The following POU6F2 variants were observed in gnomAD, a reference collection of about 807,000 sequenced individuals.
POU6F2 encodes the protein POU domain, class 6, transcription factor 2.
Under a neutral mutation model 71.3 loss-of-function variants are expected in POU6F2, and 31 were observed. That is an observed-to-expected ratio of 0.43 (90% CI 0.33 to 0.59). POU6F2 has a LOEUF of 0.59. POU6F2 is among the 20% of genes least tolerant of loss of function. The pLI, the probability that POU6F2 is intolerant of heterozygous loss-of-function variation, is 0.04. For missense variants in POU6F2, 783 were observed against 856.8 expected, an observed-to-expected ratio of 0.91 and a Z score of 1.07; for synonymous variants, 347 against 355.7, an observed-to-expected ratio of 0.98 and a Z score of 0.27.
At chr7:39,090,606 C>G (rs1254569564) in intron 2 of POU6F2, among the ~76,000 whole-genome samples, 1 of 152,142 alleles carries the variant, frequency 6.6e-6, no homozygotes, top group Non-Finnish European at 1.5e-5. Context: ...GTACCAAGAG[C>G]TTAAACCCAA....
At chr7:39,101,125 G>A (rs1053981372) in intron 2 of POU6F2, among the ~76,000 whole-genome samples, 1 of 148,176 alleles carries the variant, frequency 6.7e-6, no homozygotes, top group Non-Finnish European at 1.5e-5. Flanking sequence ...CCAGGCTGGA[G>A]TGCAATGGCG....
intron 2 of POU6F2, among the ~76,000 whole-genome samples, chr7:39,110,114 T>C (rs1791774884): frequency 6.6e-6 from 1 of 151,812 alleles, no homozygotes; most frequent in Admixed American, 6.6e-5. Flanking sequence ...CTACTAAAAA[T>C]ACAAAAATTA....
At chr7:39,377,421 A>G (rs1786731645) in intron 5 of POU6F2, among the ~76,000 whole-genome samples, 1 of 152,168 alleles carries the variant, frequency 6.6e-6, no homozygotes, top group South Asian at 2.1e-4. Flanking sequence ...ATGAGCCACC[A>G]TGCACGGCCT....
chr7:39,290,934 C>T (rs1192536403), intron 4 of POU6F2, among the ~76,000 whole-genome samples: 1 of 148,722 alleles, frequency 6.7e-6, no homozygotes, highest in Admixed American at 6.7e-5. Flanking sequence ...AATGTCACTA[C>T]TATAAAGAAA....
At chr7:39,359,822 G>A (rs1786338240) in intron 5 of POU6F2, among the ~76,000 whole-genome samples, 1 of 152,126 alleles carries the variant, frequency 6.6e-6, no homozygotes, top group Non-Finnish European at 1.5e-5. Context: ...TTGCATGCAA[G>A]AGAAAATAAT....
At chr7:39,006,803 A>G (rs1789084615) in intron 1 of POU6F2, 1 of 1,603,748 alleles carries the variant, frequency 6.2e-7, no homozygotes, top group Non-Finnish European at 8.5e-7. Flanking sequence ...GTTTACTGTC[A>G]AGATGCTGAA....
chr7:39,170,736 T>C (rs1471665911), intron 2 of POU6F2, among the ~76,000 whole-genome samples: 1 of 152,068 alleles, frequency 6.6e-6, no homozygotes, highest in Non-Finnish European at 1.5e-5. Flanking sequence ...AGGAGAAGAA[T>C]TGTAGTGTTC....
intron 4 of POU6F2, among the ~76,000 whole-genome samples, chr7:39,300,375 C>T (rs772752948): frequency 1.3e-5 from 2 of 152,032 alleles, no homozygotes; most frequent in Non-Finnish European, 2.9e-5. Flanking sequence ...TGATAGGGAC[C>T]TTAGGAAGGT....
intron 8 of POU6F2, 104 bp downstream of exon 8, chr7:39,451,805 T>C (rs1030907235): frequency 7.3e-7 from 1 of 1,361,832 alleles, no homozygotes; most frequent in Non-Finnish European, 1.0e-6. Flanking sequence ...GCTCTCTCTT[T>C]CTCTCAACCC....
chr7:39,084,499 A>AC (rs1392510570), intron 1 of POU6F2, among the ~76,000 whole-genome samples: 3 of 152,138 alleles, frequency 2.0e-5, no homozygotes, highest in Non-Finnish European at 4.4e-5. Context: ...AAATGTGTTT[A>AC]CCTACAGTAT....
chr7:39,027,542 C>T (rs1789839914), intron 1 of POU6F2, among the ~76,000 whole-genome samples: 1 of 152,166 alleles, frequency 6.6e-6, no homozygotes. Context: ...CCTCCAATTC[C>T]AATCAGAGCA....
intron 1 of POU6F2, among the ~76,000 whole-genome samples, chr7:39,076,801 G>A (rs967513789): frequency 1.3e-5 from 2 of 151,958 alleles, no homozygotes; most frequent in South Asian, 2.1e-4. Context: ...TAAAATGCTG[G>A]GACTAGAGAA....
chr7:39,250,531 T>C (rs1025101969), intron 4 of POU6F2, among the ~76,000 whole-genome samples: 1 of 152,188 alleles, frequency 6.6e-6, no homozygotes, highest in Admixed American at 6.5e-5. Context: ...GAGATCTCCT[T>C]ATTCACTAAT....
intron 4 of POU6F2, among the ~76,000 whole-genome samples, chr7:39,325,926 C>T (rs754687127): frequency 3.9e-5 from 6 of 152,170 alleles, no homozygotes; most frequent in Non-Finnish European, 5.9e-5. Flanking sequence ...TTACCCCATA[C>T]CGGTAGCATA....
At chr7:39,200,619 A>G (rs4499997) in intron 2 of POU6F2, among the ~76,000 whole-genome samples, 126,247 of 152,124 alleles carry the variant, frequency 0.83, 52,835 homozygotes, top group East Asian at 1. Context: ...AAGAGAATGT[A>G]AATTCCACAC....
At chr7:39,048,982 T>C (rs145235674) in intron 1 of POU6F2, among the ~76,000 whole-genome samples, 1 of 152,012 alleles carries the variant, frequency 6.6e-6, no homozygotes, top group Admixed American at 6.6e-5. Flanking sequence ...ATTTGTCAAA[T>C]TTTGGGGAAA....
chr7:39,276,819 G>C (rs1473526589), intron 4 of POU6F2, among the ~76,000 whole-genome samples: 1 of 150,674 alleles, frequency 6.6e-6, no homozygotes, highest in East Asian at 1.9e-4. Flanking sequence ...ACCAAACACC[G>C]CATGTTCTCA....
intron 2 of POU6F2, among the ~76,000 whole-genome samples, chr7:39,129,790 G>A (rs946543425): frequency 7.2e-5 from 11 of 152,008 alleles, no homozygotes; most frequent in Non-Finnish European, 4.4e-5. Context: ...TCGGCCGGGC[G>A]CTGTGGCTCA....
intron 4 of POU6F2, among the ~76,000 whole-genome samples, chr7:39,211,271 C>T (rs1040428351): frequency 6.6e-6 from 1 of 152,146 alleles, no homozygotes; most frequent in Non-Finnish European, 1.5e-5. Context: ...ATCAGAGACT[C>T]TTATGACAAT....
Sources: gnomAD v4.1 joint callset for allele counts (sites outside exome capture counted in the v4.1 genomes callset) on GRCh38, gnomAD v4.1.1 for gene constraint, MANE v1.5 for transcripts, NCBI Gene and HGNC (gene_info 2026-07-23, HGNC 2026-07-21) for gene names.